The following GLI3 variants were observed in gnomAD, a reference collection of about 807,000 sequenced individuals.
GLI3 encodes the protein transcription activator GLI3.
A neutral mutation model predicts 100.8 loss-of-function variants in GLI3; 20 were observed. The observed-to-expected ratio is 0.20, with a 90% CI of 0.14 to 0.29. The LOEUF (loss-of-function observed/expected upper bound fraction) is 0.29, where lower values mean the gene tolerates loss of function less well. Among genes scored for constraint, GLI3 ranks in the 10% least tolerant of loss-of-function variants. GLI3 has a pLI of 1.00. For synonymous variants in GLI3, 938 were observed against 860.5 expected, an observed-to-expected ratio of 1.09 and a Z score of -1.58; for missense variants, 2,040 against 2,128.5, an observed-to-expected ratio of 0.96 and a Z score of 0.82.
chr7:42,201,610 G>A (rs1421514950), intron 2 of GLI3, among the ~76,000 whole-genome samples: 2 of 152,166 alleles, frequency 1.3e-5, no homozygotes, highest in Admixed American at 1.3e-4. Flanking sequence ...GAACATTATG[G>A]AGTGCATTTA....
chr7:42,015,630 C>A (rs1030561653), intron 10 of GLI3, among the ~76,000 whole-genome samples: 3 of 151,860 alleles, frequency 2.0e-5, no homozygotes, highest in African/African-American at 7.3e-5. Context: ...GATGGAGTTT[C>A]TCCACCAAGA....
intron 1 of GLI3, 41 bp from the exon 2 acceptor site, chr7:42,223,336 G>GAAAAA: frequency 3.6e-6 from 3 of 844,964 alleles, no homozygotes; most frequent in Admixed American, 2.4e-5. Context: ...CAAAATGGTG[G>GAAAAA]AAAAAAAAAA....
chr7:42,136,757 C>T (rs769550190), intron 3 of GLI3, among the ~76,000 whole-genome samples: 3 of 152,170 alleles, frequency 2.0e-5, no homozygotes, highest in Non-Finnish European at 4.4e-5. Context: ...GCCTGGACAC[C>T]GAAGTGGCAT....
At chr7:42,008,092 T>C (rs1481747091) in intron 10 of GLI3, among the ~76,000 whole-genome samples, 2 of 152,174 alleles carry the variant, frequency 1.3e-5, no homozygotes, top group Non-Finnish European at 2.9e-5. Context: ...CAGGTTCGAG[T>C]GGGACTAAGT....
chr7:42,244,327 A>G (rs1314351790), intron 1 of GLI3, among the ~76,000 whole-genome samples: 1 of 152,240 alleles, frequency 6.6e-6, no homozygotes, highest in African/African-American at 2.4e-5. Flanking sequence ...TCATTCTGCT[A>G]ACTTCTTAAG....
chr7:42,108,833 T>A (rs1332819343), intron 3 of GLI3, among the ~76,000 whole-genome samples: 3 of 151,960 alleles, frequency 2.0e-5, no homozygotes, highest in African/African-American at 7.3e-5. Context: ...CTTTTTAAAT[T>A]ATCTATTTAT....
At chr7:42,140,695 C>T (rs1244418748) in intron 3 of GLI3, among the ~76,000 whole-genome samples, 1 of 152,102 alleles carries the variant, frequency 6.6e-6, no homozygotes, top group Non-Finnish European at 1.5e-5. Context: ...AAGCCCTTTC[C>T]CTAAGAACTA....
chr7:42,044,319 C>T (rs1407963500), intron 6 of GLI3, among the ~76,000 whole-genome samples: 1 of 152,238 alleles, frequency 6.6e-6, no homozygotes, highest in Non-Finnish European at 1.5e-5. Flanking sequence ...GTGGCTTTTG[C>T]TGATGTATGA....
chr7:41,965,596 G>T lies in GLI3; in HGVS notation c.3477C>A (p.Pro1159=). The change falls in exon 15 of 15, where the codon CCC becomes CCA. Residue 1159 remains proline (P), a synonymous_variant. Transcript: ENST00000395925. ...CGGAGCTGACTTCGTTCCACTGAAT[G>T]GGCAGGTCGGTTTTGCTGCCCTCGG... ...PCPEGSKTDL[P]IQWNEVSSGS... 1 of 1,607,308 alleles carries T rather than the reference G, an allele frequency of 6.2e-7. No individual in the cohort carries two copies. Among genetic ancestry groups the T allele is most frequent in the South Asian group, 1.1e-5 (1 of 90,932 alleles).
chr7:42,165,654 A>G (rs1311327138), intron 2 of GLI3, among the ~76,000 whole-genome samples: 1 of 152,214 alleles, frequency 6.6e-6, no homozygotes, highest in East Asian at 1.9e-4. Context: ...GGCCTTGTCT[A>G]TAACTAGCTG....
At chr7:42,001,459 G>A (rs1488901028) in intron 10 of GLI3, among the ~76,000 whole-genome samples, 1 of 152,042 alleles carries the variant, frequency 6.6e-6, no homozygotes, top group African/African-American at 2.4e-5. Context: ...AGCCAGGTAT[G>A]GTTAACTCTA....
intron 3 of GLI3, among the ~76,000 whole-genome samples, chr7:42,111,163 C>T (rs559559743): frequency 2.6e-5 from 4 of 152,260 alleles, no homozygotes; most frequent in Non-Finnish European, 5.9e-5. Flanking sequence ...GTCTATCAAC[C>T]CTTATCCACA....
intron 7 of GLI3, among the ~76,000 whole-genome samples, chr7:42,036,762 A>G (rs994528060): frequency 1.3e-5 from 2 of 152,230 alleles, no homozygotes; most frequent in African/African-American, 4.8e-5. Context: ...ATTAACAAGC[A>G]GGAAACTGGA....
chr7:42,139,171 T>G (rs964662422), intron 3 of GLI3, among the ~76,000 whole-genome samples: 2 of 151,848 alleles, frequency 1.3e-5, no homozygotes, highest in Non-Finnish European at 2.9e-5. Flanking sequence ...TAAAACTCAA[T>G]GCTTTTTTTT....
intron 6 of GLI3, 137 bp downstream of exon 6, chr7:42,045,247 C>G (rs1465642414): frequency 2.3e-6 from 2 of 873,248 alleles, no homozygotes; most frequent in African/African-American, 3.3e-5. Flanking sequence ...GGAACCAGAG[C>G]ACCAGATAGT....
chr7:42,072,329 A>G (rs1378812580), intron 4 of GLI3, among the ~76,000 whole-genome samples: 2 of 152,242 alleles, frequency 1.3e-5, no homozygotes, highest in African/African-American at 4.8e-5. Context: ...AAGATTGTAC[A>G]TAAGGGCTAC....
intron 3 of GLI3, among the ~76,000 whole-genome samples, chr7:42,091,253 C>G (rs1204032297): frequency 6.6e-6 from 1 of 152,250 alleles, no homozygotes; most frequent in South Asian, 2.1e-4. Context: ...TTGCCAACGA[C>G]AAAAGCTAAA....
intron 4 of GLI3, among the ~76,000 whole-genome samples, chr7:42,073,079 A>G (rs1262191148): frequency 6.6e-6 from 1 of 152,188 alleles, no homozygotes; most frequent in East Asian, 1.9e-4. Flanking sequence ...TTTTATAACA[A>G]CCTTTACGTG....
intron 3 of GLI3, among the ~76,000 whole-genome samples, chr7:42,083,049 C>T (rs975841294): frequency 1.3e-5 from 2 of 152,150 alleles, no homozygotes; most frequent in Non-Finnish European, 2.9e-5. Flanking sequence ...TATAAACAAT[C>T]CAATTATACT....
Sources: gnomAD v4.1 joint callset for allele counts (sites outside exome capture counted in the v4.1 genomes callset) on GRCh38, gnomAD v4.1.1 for gene constraint, MANE v1.5 for transcripts, NCBI Gene and HGNC (gene_info 2026-07-23, HGNC 2026-07-21) for gene names.